The following SLC28A1 variants were observed in gnomAD, a reference collection of about 807,000 sequenced individuals.
SLC28A1 encodes solute carrier family 28 member 1, also known as sodium/nucleoside cotransporter 1.
In SLC28A1, 64 loss-of-function variants were observed where a neutral mutation model predicts 74.8. The ratio of observed to expected loss-of-function variants is 0.86; its 90% confidence interval spans 0.70 to 1.05. The LOEUF (loss-of-function observed/expected upper bound fraction) is 1.05, where lower values mean the gene tolerates loss of function less well. SLC28A1 is among the 50% of genes least tolerant of loss of function. The pLI is 0.00. For missense variants in SLC28A1, 828 were observed against 822.8 expected (o/e 1.01, Z -0.08); for synonymous variants, 359 against 335.0 (o/e 1.07, Z -0.78).
chr15:84,904,127 GGTCCTGTGGCTGTCTC>G lies in SLC28A1; in HGVS notation c.493_508del (p.Val165TrpfsTer73), dbSNP rs764597332. 11 of 1,614,184 alleles carry G rather than the reference GGTCCTGTGGCTGTCTC, an allele frequency of 6.8e-6. No homozygotes were observed. The South Asian group carries it at 1.2e-4, about 18-fold the overall frequency. On this transcript the variant is annotated frameshift_variant, in exon 7 of 19. Transcript: ENST00000394573. LOFTEE classifies it high-confidence loss of function. ...TAGCTCTTGCTGCTTTCCTGGGCCTGGTCCTGTGGCTGTCTCTGGACACCTCCCAGCGGCCTGAGCA... is the reference window on the plus strand; with the variant it reads ...TAGCTCTTGCTGCTTTCCTGGGCCTGTGGACACCTCCCAGCGGCCTGAGCA...
At chr15:84,963,784 T>C in the SLC28A1 span, among the ~76,000 whole-genome samples, 4 of 152,186 alleles carry the variant, frequency 2.6e-5, no homozygotes, top group Non-Finnish European at 5.9e-5. Flanking sequence ...TGCCAGCTCC[T>C]CATCATGGCT....
At chr15:84,903,392 C>T (rs993256715) in intron 6 of SLC28A1, among the ~76,000 whole-genome samples, 12 of 152,222 alleles carry the variant, frequency 7.9e-5, no homozygotes, top group African/African-American at 2.2e-4. Context: ...ACATGTCTCT[C>T]GCATCGGTAT....
At chr15:84,920,747 T>G (rs926734599) in intron 10 of SLC28A1, among the ~76,000 whole-genome samples, 3 of 150,156 alleles carry the variant, frequency 2.0e-5, no homozygotes, top group Non-Finnish European at 4.4e-5. Context: ...CTCAAATATA[T>G]TGGGCCAGGA....
At chr15:84,898,348 G>T (rs1460476112) in intron 6 of SLC28A1, among the ~76,000 whole-genome samples, 3 of 152,204 alleles carry the variant, frequency 2.0e-5, no homozygotes, top group African/African-American at 7.2e-5. Flanking sequence ...GGAGGGCGAG[G>T]TGGGTAGATC....
chr15:84,895,156 G>T (rs1228521614), intron 6 of SLC28A1, 33 bp downstream of exon 6: 1 of 1,611,964 alleles, frequency 6.2e-7, no homozygotes, highest in African/African-American at 1.3e-5. Context: ...GGCAGGGCAG[G>T]GGAGGGCCCA....
intron 6 of SLC28A1, among the ~76,000 whole-genome samples, chr15:84,901,136 C>T (rs530140955): frequency 7.2e-5 from 11 of 152,070 alleles, no homozygotes; most frequent in South Asian, 4.1e-4. Flanking sequence ...GCAGAAGAAT[C>T]GCTTGAACGT....
At chr15:84,922,243 TCAGGACTGA>T (rs1969914273) in intron 11 of SLC28A1, among the ~76,000 whole-genome samples, 1 of 152,138 alleles carries the variant, frequency 6.6e-6, no homozygotes, top group South Asian at 2.1e-4. Context: ...TCCCATGAAC[TCAGGACTGA>T]CAGGTCAACT....
chr15:84,961,132 A>G, the SLC28A1 span, among the ~76,000 whole-genome samples: 1 of 152,170 alleles, frequency 6.6e-6, no homozygotes, highest in African/African-American at 2.4e-5. Flanking sequence ...TGTAAGCATT[A>G]ACTCTGATAA....
downstream of SLC28A1, among the ~76,000 whole-genome samples, chr15:84,948,164 T>A (rs563638741): frequency 6.6e-6 from 1 of 152,120 alleles, no homozygotes; most frequent in Non-Finnish European, 1.5e-5. Context: ...GGCCCTGCCC[T>A]CACCTCTGCT....
At chr15:84,885,037 C>A (rs1254409255) in intron 1 of SLC28A1, among the ~76,000 whole-genome samples, 3 of 152,186 alleles carry the variant, frequency 2.0e-5, no homozygotes. Context: ...CTGCTCACTG[C>A]AGCCTCCACC....
At chr15:84,971,615 C>T in the SLC28A1 span, among the ~76,000 whole-genome samples, 2 of 152,018 alleles carry the variant, frequency 1.3e-5, no homozygotes, top group African/African-American at 4.8e-5. Context: ...GCAGAATGTA[C>T]ACCAAATATA....
intron 6 of SLC28A1, among the ~76,000 whole-genome samples, chr15:84,900,370 T>C (rs7497678): frequency 0.019 from 1,170 of 61,606 alleles, 7 homozygotes; most frequent in South Asian, 0.066. Flanking sequence ...CCACTGCACT[T>C]CAGCCTGGGA....
Position 84,921,172 on chromosome 15 carries a change from T to C in SLC28A1, c.957+103T>C, listed in dbSNP as rs182542112. On this transcript the variant is annotated intron_variant, in intron 11 of 18. Coordinates refer to ENST00000394573, the MANE Select transcript of SLC28A1 (RefSeq NM_004213.5). ...TCTGATTCAGTCCAAGGAAGAGCCA[T>C]TTGAACCTTCTCCCAGGGTCATCAA... 2.5e-4 allele frequency: 217 copies of C among 875,800 alleles called. 1 individual carries two copies. In the African/African-American group the frequency reaches 2.7e-3, roughly 11 times the overall value. The allele number at this position is 875,800 out of a possible 1,614,324, so 54.3% of individuals were successfully genotyped here.
rs539004949 is a variant in SLC28A1, at chr15:84,904,225, A to G, written c.590A>G (p.Lys197Arg). 7.4e-6 allele frequency: 12 copies of G among 1,613,988 alleles called. No homozygotes were observed. The Admixed American group carries it at 2.0e-4, about 27-fold the overall frequency. Residue 197 changes from lysine to arginine, a missense_variant, in exon 7 of 19, where the codon AAG becomes AGG. Transcript: ENST00000394573. ...VFVALLFACS[K>R]HHCAVSWRAV... ...GTCGCTCTCCTCTTTGCCTGCTCAA[A>G]GCATCATTGCGCAGTGAGTGCTAGT...
Position 84,924,233 on chromosome 15 carries a change from C to G in SLC28A1, c.1083+123C>G, listed in dbSNP as rs916315857. ...TTCTCTCTTGGGCCTGCTGTGCTGG[C>G]AAGAGGAGTGGCTTCCCCTGAGCCC... On this transcript the variant is annotated intron_variant, in intron 12 of 18. Transcript: ENST00000394573. 3.1e-4 allele frequency: 380 copies of G among 1,214,572 alleles called. 4 individuals carry two copies. Among genetic ancestry groups the G allele is most frequent in the Middle Eastern group, 2.3e-4 (1 of 4,428 alleles). 75.2% of individuals were successfully genotyped at this position (1,214,572 alleles called of 1,614,324 possible). A position where few individuals can be genotyped will look rare whatever the true frequency, so the allele number is the denominator to read the frequency against.
At chr15:84,916,240 C>CAGGTGTGAGCCACCATGCCTGCCCTTT (rs1555449976) in intron 9 of SLC28A1, among the ~76,000 whole-genome samples, 1 of 98,424 alleles carries the variant, frequency 1.0e-5, no homozygotes, top group Admixed American at 9.8e-5. Context: ...GCTGGGATTA[C>CAGGTGTGAGCCACCATGCCTGCCCTTT]TTTTTTTTTT....
At chr15:84,927,453 G>C (rs569377305) in intron 12 of SLC28A1, among the ~76,000 whole-genome samples, 1 of 152,266 alleles carries the variant, frequency 6.6e-6, no homozygotes, top group African/African-American at 2.4e-5. Context: ...CGACTGAGTG[G>C]AGGAAAAACA....
At chr15:84,916,716 T>A (rs1200695030) in intron 9 of SLC28A1, among the ~76,000 whole-genome samples, 1 of 152,136 alleles carries the variant, frequency 6.6e-6, no homozygotes, top group Non-Finnish European at 1.5e-5. Flanking sequence ...CCTTGAGAAA[T>A]GTCCACCTAT....
intron 10 of SLC28A1, among the ~76,000 whole-genome samples, chr15:84,919,997 T>G (rs1446618497): frequency 6.6e-6 from 1 of 152,050 alleles, no homozygotes; most frequent in Non-Finnish European, 1.5e-5. Flanking sequence ...ACAAAATGGT[T>G]GAAGGAATAG....
Sources: gnomAD v4.1 joint callset for allele counts (sites outside exome capture counted in the v4.1 genomes callset) on GRCh38, gnomAD v4.1.1 for gene constraint, MANE v1.5 for transcripts, NCBI Gene and HGNC (gene_info 2026-07-23, HGNC 2026-07-21) for gene names.